Variants in MROH1 observed in about 807,000 individuals in gnomAD.
MROH1 encodes the protein maestro heat-like repeat-containing protein family member 1.
In MROH1, 117 loss-of-function variants were observed where a neutral mutation model predicts 116.5. The observed-to-expected ratio is 1.00, with a 90% CI of 0.86 to 1.17. The LOEUF (loss-of-function observed/expected upper bound fraction) is 1.17. MROH1 is among the 50% of genes most tolerant of loss of function. The pLI is 0.00. For synonymous variants in MROH1, 921 were observed against 583.9 expected, an observed-to-expected ratio of 1.58 and a Z score of -8.32; for missense variants, 1,873 against 1,338.5, an observed-to-expected ratio of 1.40 and a Z score of -6.23.
chr8:144,223,284 G>A, intron 14 of MROH1, 54 bp downstream of exon 14: 1 of 1,545,176 alleles, frequency 6.5e-7, no homozygotes, highest in Non-Finnish European at 8.7e-7. Context: ...CCTGGCCTGT[G>A]TTAGGCACTG....
intron 14 of MROH1, among the ~76,000 whole-genome samples, chr8:144,228,557 G>T (rs578178015): frequency 3.9e-5 from 6 of 152,114 alleles, no homozygotes; most frequent in Non-Finnish European, 1.5e-5. Context: ...TCCACCTCCC[G>T]GGTTCAAGCA....
At chr8:144,207,060 A>T (rs1345651286) in intron 12 of MROH1, among the ~76,000 whole-genome samples, 4 of 150,440 alleles carry the variant, frequency 2.7e-5, no homozygotes, top group Non-Finnish European at 5.9e-5. Context: ...AAGAAATTTA[A>T]AAAAAAAAAT....
intron 7 of MROH1, among the ~76,000 whole-genome samples, chr8:144,188,954 A>G (rs765307398): frequency 6.6e-6 from 1 of 152,250 alleles, no homozygotes; most frequent in Non-Finnish European, 1.5e-5. Context: ...AAAATGGGGC[A>G]AGAAAAGGCC....
chr8:144,261,302 C>T lies in MROH1; in HGVS notation c.4793C>T (p.Ser1598Leu), dbSNP rs1366833294. ...PLFTGFLVLH[S>L]EPRQQPQVDL... The stretch of plus-strand genomic sequence containing the variant: ...TTCACAGGGTTCCTGGTGCTGCACT[C>T]GGAGCCCAGGCAGCAGCCGCAGGTG... The change falls in exon 43 of 44, where the codon TCG becomes TTG. Residue 1598 changes from serine to leucine, a missense_variant. Coordinates refer to ENST00000326134, the MANE Select transcript of MROH1 (RefSeq NM_032450.3). 3.4e-5 allele frequency: 25 copies of T among 731,784 alleles called. No homozygotes were observed. The highest frequency in any genetic ancestry group is 3.6e-4 in the Middle Eastern group (1 of 2,810). 45.3% of individuals were successfully genotyped at this position (731,784 alleles called of 1,614,324 possible). A position where few individuals can be genotyped will look rare whatever the true frequency, so the allele number is the denominator to read the frequency against.
chr8:144,242,066 ACT>A lies in MROH1; in HGVS notation c.2179-297_2179-296del, dbSNP rs1298412837. On this transcript the variant is annotated intron_variant, in intron 22 of 43. Coordinates refer to ENST00000326134, the MANE Select transcript of MROH1 (RefSeq NM_032450.3). ...GCTCTTCTCAGCTGCCTCCTGCCTG[ACT>A]CTCTCACGTGGCTGTGCTGCCTTGA... 13 of 516,180 alleles carry A rather than the reference ACT, an allele frequency of 2.5e-5. No homozygotes were observed. In the East Asian group the frequency reaches 3.9e-4, roughly 15 times the overall value. 32.0% of individuals were successfully genotyped at this position (516,180 alleles called of 1,614,324 possible). A position where few individuals can be genotyped will look rare whatever the true frequency, so the allele number is the denominator to read the frequency against.
At position 144,261,142 on chromosome 8, in the gene MROH1, G is replaced by A. The variant is rs1308418104; in HGVS notation, c.4700G>A (p.Arg1567His). Reference protein sequence around the residue: ...LMHHFPDLLGRLLTTCLFYFK... With the variant: ...LMHHFPDLLGHLLTTCLFYFK... Reference sequence around the variant, plus strand: ...CACCATTTCCCAGACCTGCTGGGCCGTCTCCTGACCACCTGCCTGTTCTAC... The same window carrying A: ...CACCATTTCCCAGACCTGCTGGGCCATCTCCTGACCACCTGCCTGTTCTAC... Residue 1567 changes from arginine to histidine, a missense_variant, in exon 42 of 44, where the codon CGT (arginine) becomes CAT (histidine). Physicochemically the swap from Arg to His is conservative, Grantham distance 29. Transcript: ENST00000326134. The A allele has an allele frequency of 2.6e-5, 20 of 773,260 alleles. No individual in the cohort carries two copies. The highest frequency in any genetic ancestry group is 5.1e-5 in the Admixed American group (3 of 59,010). 47.9% of individuals were successfully genotyped at this position (773,260 alleles called of 1,614,324 possible). A position where few individuals can be genotyped will look rare whatever the true frequency, so the allele number is the denominator to read the frequency against.
At chr8:144,242,560 C>T (rs1841189557) in intron 23 of MROH1, 42 bp from the exon 24 acceptor site, 18 of 780,188 alleles carry the variant, frequency 2.3e-5, no homozygotes, top group Middle Eastern at 2.2e-4. Context: ...CTGGGGCTGC[C>T]GGGGAGTCAC....
intron 7 of MROH1, among the ~76,000 whole-genome samples, chr8:144,188,363 A>G (rs868806756): frequency 2.0e-4 from 30 of 149,614 alleles, no homozygotes; most frequent in African/African-American, 7.2e-4. Context: ...ACTGGCACTC[A>G]CACCCCAACC....
chr8:144,184,043 T>G (rs1826337384), intron 7 of MROH1, among the ~76,000 whole-genome samples: 1 of 152,200 alleles, frequency 6.6e-6, no homozygotes, highest in Non-Finnish European at 1.5e-5. Flanking sequence ...AACCTTCCAC[T>G]GTGCACCCTG....
rs1668460887 is a variant in MROH1 at position 144,250,284 on chromosome 8, C to G, written c.3346C>G (p.Gln1116Glu). Residue 1116 changes from glutamine (Q) to glutamate (E), a missense_variant, in exon 33 of 44, where the codon CAG (glutamine) becomes GAG (glutamate). Physicochemically the swap from Gln to Glu is conservative, Grantham distance 29. Transcript: ENST00000326134. ...GGGAGAGCACGTCCTGCCGGCCGCC[C>G]AGCACAGCGTGTACCTCCTGGCCAC... ...AQGEHVLPAA[Q>E]HSVYLLATQH... 9 of 767,458 alleles carry G rather than the reference C, an allele frequency of 1.2e-5. No homozygotes were observed. The Admixed American group carries it at 1.5e-4, about 13-fold the overall frequency. The allele number at this position is 767,458 out of a possible 1,614,324, so 47.5% of individuals were successfully genotyped here.
intron 14 of MROH1, among the ~76,000 whole-genome samples, chr8:144,238,447 G>A (rs923358161): frequency 1.3e-4 from 20 of 152,164 alleles, no homozygotes; most frequent in Non-Finnish European, 2.8e-4. Flanking sequence ...CATGGGTAAC[G>A]TTCCCACAGA....
intron 29 of MROH1, 108 bp from the exon 30 acceptor site, chr8:144,247,193 C>G: frequency 1.4e-6 from 1 of 691,856 alleles, no homozygotes; most frequent in Non-Finnish European, 2.6e-6. Context: ...GCTTCGTGGA[C>G]ACCAGCAGCA....
chr8:144,261,025 C>G lies in MROH1; in HGVS notation c.4655C>G (p.Thr1552Ser). The change falls in exon 41 of 44, where the codon ACC becomes AGC. Residue 1552 changes from threonine (T) to serine (S), a missense_variant. Thr to Ser is a moderately conservative substitution (Grantham distance 58, BLOSUM62 1). Coordinates refer to ENST00000326134, the MANE Select transcript of MROH1 (RefSeq NM_032450.3). ...CTGCACTTCGGGGAGTTCCTCAACACCACCTGCAAGCACCTGGTGAGGGGT... is the reference window on the plus strand; with the variant it reads ...CTGCACTTCGGGGAGTTCCTCAACAGCACCTGCAAGCACCTGGTGAGGGGT... ...RALHFGEFLN[T>S]TCKHLMHHFP... 1 of 775,318 alleles carries G rather than the reference C, an allele frequency of 1.3e-6. No individual in the cohort carries two copies. The highest frequency in any genetic ancestry group is 2.4e-5 in the East Asian group (1 of 41,178). 48.0% of individuals were successfully genotyped at this position (775,318 alleles called of 1,614,324 possible). A position where few individuals can be genotyped will look rare whatever the true frequency, so the allele number is the denominator to read the frequency against.
chr8:144,190,301 G>A (rs6558317), intron 7 of MROH1, among the ~76,000 whole-genome samples: 147,439 of 152,260 alleles, frequency 0.97, 71,551 homozygotes, highest in South Asian at 1. Context: ...GCCAAGGTGG[G>A]CAGATCACTT....
intron 10 of MROH1, chr8:144,192,766 C>A (rs753868454): frequency 7.3e-6 from 3 of 410,996 alleles, no homozygotes; most frequent in Middle Eastern, 7.6e-4. Context: ...AGAGGAGAGG[C>A]CCTGGGCTGC....
chr8:144,258,370 G>A (rs1163116302), intron 35 of MROH1, among the ~76,000 whole-genome samples: 1 of 152,244 alleles, frequency 6.6e-6, no homozygotes, highest in African/African-American at 2.4e-5. Flanking sequence ...GGGCTGTGGA[G>A]TCTCCTGGGG....
Position 144,180,393 on chromosome 8 carries a change from GC to G in MROH1, c.464-31del. On this transcript the variant is annotated intron_variant, in intron 6 of 43. Transcript: ENST00000326134. This position sits in a 1 kb window ranked among gnomAD's most constrained non-coding sequence, Gnocchi z 7.4. ...GGAGCACGGGGCGCTGGAAGCCTTG[GC>G]GGAGGCCTTTGACGGTGTCCTCTCT... 1 of 1,611,862 alleles carries G rather than the reference GC, an allele frequency of 6.2e-7. No homozygotes were observed. Among genetic ancestry groups the G allele is most frequent in the Non-Finnish European group, 8.5e-7 (1 of 1,179,498 alleles).
chr8:144,170,798 G>A (rs920791737), intron 4 of MROH1, among the ~76,000 whole-genome samples: 3 of 152,174 alleles, frequency 2.0e-5, no homozygotes, highest in African/African-American at 4.8e-5. Context: ...TGGGCCTCAC[G>A]GTTTTAGACA....
chr8:144,171,121 C>A (rs111747140), intron 4 of MROH1, among the ~76,000 whole-genome samples: 4 of 152,196 alleles, frequency 2.6e-5, no homozygotes, highest in African/African-American at 9.6e-5. Context: ...ACCTGGAGGT[C>A]GCGTCAGATC....
Sources: gnomAD v4.1 joint callset for allele counts (sites outside exome capture counted in the v4.1 genomes callset) on GRCh38, gnomAD v4.1.1 for gene constraint, Gnocchi (gnomAD v3.1) non-coding constraint, MANE v1.5 for transcripts, NCBI Gene and HGNC (gene_info 2026-07-23, HGNC 2026-07-21) for gene names.